The following AOAH variants were observed in gnomAD, a reference collection of about 807,000 sequenced individuals.
The protein encoded by AOAH is acyloxyacyl hydrolase (neutrophil).
In AOAH, 64 loss-of-function variants were observed where a neutral mutation model predicts 92.2. The ratio of observed to expected loss-of-function variants is 0.69; its 90% CI spans 0.57 to 0.86. AOAH has a LOEUF of 0.86. Ranked by LOEUF, AOAH falls within the 40% of genes least tolerant of loss-of-function variation. The pLI is 0.00. For synonymous variants in AOAH, 263 were observed against 254.5 expected, an observed-to-expected ratio of 1.03 and a Z score of -0.32; for missense variants, 656 against 694.6, an observed-to-expected ratio of 0.94 and a Z score of 0.62.
At chr7:36,514,799 G>T in intron 20 of AOAH, 1 of 511,442 alleles carries the variant, frequency 2.0e-6, no homozygotes, top group Non-Finnish European at 3.5e-6. Context: ...TTCCTAATAG[G>T]CAGCGTAGCC....
chr7:36,679,722 A>G (rs1361336367), intron 2 of AOAH, among the ~76,000 whole-genome samples: 9 of 152,034 alleles, frequency 5.9e-5, no homozygotes, highest in African/African-American at 2.2e-4. Flanking sequence ...CAGTGGTGCA[A>G]TCTCAGCTCA....
rs188129822 is a variant in AOAH, at chr7:36,699,070, T to C, written c.128-12276A>G. The stretch of plus-strand genomic sequence containing the variant: ...AGAATATGCAATAATTGTCTTTTTG[T>C]GCTTGGCTTATTTTACTTAATATAG... On this transcript the variant is annotated intron_variant, in intron 1 of 20. Transcript: ENST00000617537. 1.3e-4 allele frequency among the ~76,000 whole-genome samples: 20 copies of C among 152,280 alleles called. No homozygotes were observed. The South Asian group carries it at 1.5e-3, about 11-fold the overall frequency.
At chr7:36,625,776 G>A (rs1562634685) in intron 6 of AOAH, among the ~76,000 whole-genome samples, 1 of 152,190 alleles carries the variant, frequency 6.6e-6, no homozygotes, top group Non-Finnish European at 1.5e-5. Context: ...GGAGGGGAAT[G>A]AAGCTTCCCG....
At chr7:36,715,920 G>A (rs1224729781) in intron 1 of AOAH, among the ~76,000 whole-genome samples, 2 of 152,166 alleles carry the variant, frequency 1.3e-5, no homozygotes, top group African/African-American at 2.4e-5. Context: ...TGTGGGCAAG[G>A]ACTTCATGTC....
At chr7:36,631,844 A>G (rs771415444) in intron 6 of AOAH, among the ~76,000 whole-genome samples, 192 bp downstream of exon 6, 47 of 152,194 alleles carry the variant, frequency 3.1e-4, no homozygotes, top group Non-Finnish European at 3.8e-4. Flanking sequence ...GCTGGCATTC[A>G]GTATATTTCC....
At chr7:36,714,435 C>T (rs1798988564) in intron 1 of AOAH, among the ~76,000 whole-genome samples, 2 of 152,288 alleles carry the variant, frequency 1.3e-5, no homozygotes, top group Admixed American at 6.5e-5. Context: ...TGAAACTATT[C>T]CAATCAATAG....
chr7:36,665,742 T>G (rs1328792559), intron 3 of AOAH, among the ~76,000 whole-genome samples: 1 of 151,724 alleles, frequency 6.6e-6, no homozygotes, highest in East Asian at 1.9e-4. Context: ...TACTGAGAGT[T>G]TTTTTTAAAT....
chr7:36,666,436 T>C (rs1795538545), intron 3 of AOAH, among the ~76,000 whole-genome samples: 1 of 152,080 alleles, frequency 6.6e-6, no homozygotes, highest in Non-Finnish European at 1.5e-5. Context: ...TTATCCCTCT[T>C]TTCCTTAGTT....
At position 36,615,227 on chromosome 7, in the gene AOAH, A is replaced by T. The variant is rs192127762; in HGVS notation, c.846+1153T>A. Among the ~76,000 whole-genome samples, 73 of 152,282 alleles carry T rather than the reference A, an allele frequency of 4.8e-4. 1 individual carries two copies. The highest frequency in any genetic ancestry group is 1.8e-3 in the African/African-American group (73 of 41,532). ...CAGTGCTGTTACAGTGGCATGTAAAACTGGCATTGCATAATGTGACGATGA... is the reference window on the plus strand; with the variant it reads ...CAGTGCTGTTACAGTGGCATGTAAATCTGGCATTGCATAATGTGACGATGA... On this transcript the variant is annotated intron_variant, in intron 11 of 20. Coordinates refer to ENST00000617537, the MANE Select transcript of AOAH (RefSeq NM_001637.4).
intron 6 of AOAH, among the ~76,000 whole-genome samples, chr7:36,631,788 G>T (rs1484356318): frequency 6.6e-6 from 1 of 152,166 alleles, no homozygotes; most frequent in Non-Finnish European, 1.5e-5. Flanking sequence ...CTCACTGCGG[G>T]CTGCATTCTA....
At chr7:36,519,707 G>C (rs2089114492) in intron 20 of AOAH, among the ~76,000 whole-genome samples, 1 of 152,218 alleles carries the variant, frequency 6.6e-6, no homozygotes, top group African/African-American at 2.4e-5. Flanking sequence ...TGGGATTATA[G>C]GCGTGAGCCA....
At chr7:36,631,350 C>CTCA (rs1793078868) in intron 6 of AOAH, among the ~76,000 whole-genome samples, 2 of 131,708 alleles carry the variant, frequency 1.5e-5, no homozygotes, top group South Asian at 2.3e-4. Context: ...TCCATCATCT[C>CTCA]AAAAAAAAAA....
intron 16 of AOAH, 101 bp from the exon 17 acceptor site, chr7:36,532,445 T>C: frequency 1.0e-5 from 11 of 1,047,680 alleles, no homozygotes; most frequent in Admixed American, 1.8e-5. Flanking sequence ...AGTCACTATT[T>C]CCAGGGTGTT....
intron 11 of AOAH, among the ~76,000 whole-genome samples, chr7:36,603,809 C>T (rs529994525): frequency 1.3e-5 from 2 of 152,192 alleles, no homozygotes; most frequent in Admixed American, 6.5e-5. Flanking sequence ...GTTAGCTAAA[C>T]TTGCTAAGTC....
chr7:36,678,600 T>TGTGTGTGCGTGCGC (rs549317369), intron 2 of AOAH, among the ~76,000 whole-genome samples: 2 of 131,034 alleles, frequency 1.5e-5, no homozygotes, highest in Non-Finnish European at 3.4e-5. Flanking sequence ...TGTGTGTGTG[T>TGTGTGTGCGTGCGC]GCGCGCGCGC....
chr7:36,604,635 T>G (rs1190986203), intron 11 of AOAH, among the ~76,000 whole-genome samples: 1 of 152,190 alleles, frequency 6.6e-6, no homozygotes, highest in Non-Finnish European at 1.5e-5. Context: ...GTCTTTTTTC[T>G]TCCCTCCAGG....
chr7:36,551,048 T>C (rs1583794806), intron 13 of AOAH, among the ~76,000 whole-genome samples: 2 of 151,406 alleles, frequency 1.3e-5, no homozygotes, highest in African/African-American at 4.8e-5. Context: ...TCCATTTTAT[T>C]ATGGTAAAAT....
chr7:36,607,163 G>A (rs995307022), intron 11 of AOAH, among the ~76,000 whole-genome samples: 15 of 152,146 alleles, frequency 9.9e-5, no homozygotes, highest in South Asian at 4.1e-4. Context: ...CCTTTTCAGC[G>A]AATACAGCTG....
intron 3 of AOAH, among the ~76,000 whole-genome samples, chr7:36,659,688 C>T (rs1795091399): frequency 2.0e-5 from 3 of 152,118 alleles, no homozygotes; most frequent in East Asian, 3.9e-4. Context: ...AACACCTAAC[C>T]TTACTTTCTT....
Sources: gnomAD v4.1 joint callset for allele counts (sites outside exome capture counted in the v4.1 genomes callset) on GRCh38, gnomAD v4.1.1 for gene constraint, MANE v1.5 for transcripts, NCBI Gene and HGNC (gene_info 2026-07-23, HGNC 2026-07-21) for gene names.